Variants in CFAP97D2 observed in about 807,000 individuals in gnomAD.
The protein encoded by CFAP97D2 is CFAP97 domain containing 2, also known as uncharacterized protein CFAP97D2.
rs910402834 is a variant in CFAP97D2, at chr13:114,207,376, A to G, written c.291-4536A>G. 1.7e-4 allele frequency among the ~76,000 whole-genome samples: 26 copies of G among 152,168 alleles called. No individual in the cohort carries two copies. Among genetic ancestry groups the G allele is most frequent in the African/African-American group, 5.8e-4 (24 of 41,422 alleles). On this transcript the variant is annotated intron_variant, in intron 3 of 4. Coordinates refer to ENST00000646158, the Ensembl canonical transcript of CFAP97D2. The surrounding 1 kb of genome is among the most constrained non-coding windows in gnomAD (Gnocchi z 4.9). ...TAGAATGAAGTAATTATACAACTCA[A>G]CATCATGTAGAATCAGTGGGAGCCC... is the stretch of plus-strand genomic sequence containing the variant.
chr13:114,218,405 C>T (rs189818224), intron 4 of CFAP97D2, among the ~76,000 whole-genome samples: 436 of 152,264 alleles, frequency 2.9e-3, no homozygotes, highest in African/African-American at 9.6e-3. Context: ...GAACATTCCA[C>T]GCTCATGGAT....
At chr13:114,197,866 G>A (rs1329331082) in intron 2 of CFAP97D2, among the ~76,000 whole-genome samples, 1 of 147,366 alleles carries the variant, frequency 6.8e-6, no homozygotes, top group Non-Finnish European at 1.5e-5. Flanking sequence ...CGTGTTTTTA[G>A]TAGTGATGGG....
At chr13:114,199,746 CG>C (rs2138768129) in intron 2 of CFAP97D2, 1 of 86,402 alleles carries the variant, frequency 1.2e-5, no homozygotes, top group South Asian at 3.7e-4. Context: ...CGTCCCCGTG[CG>C]TACGGTCCCC....
intron 1 of CFAP97D2, among the ~76,000 whole-genome samples, chr13:114,191,450 AT>A (rs2080869225): frequency 6.6e-6 from 1 of 152,246 alleles, no homozygotes; most frequent in African/African-American, 2.4e-5. Flanking sequence ...CAATTTAAAA[AT>A]TAGGCCAAAG....
exon 2 of CFAP97D2, chr13:114,196,472 T>C (rs2080887966): frequency 2.5e-6 from 1 of 399,388 alleles, no homozygotes; most frequent in Admixed American, 4.4e-5. Flanking sequence ...CTCAAGAGGC[T>C]GAAGGTACAC....
At chr13:114,209,331 C>T (rs1047170610) in intron 3 of CFAP97D2, among the ~76,000 whole-genome samples, 5 of 152,136 alleles carry the variant, frequency 3.3e-5, no homozygotes, top group African/African-American at 1.2e-4. Context: ...CATCAATTTG[C>T]ACAATAACAC....
At position 114,187,211 on chromosome 13, in the gene CFAP97D2, A is replaced by T. The variant is rs976239022; in HGVS notation, c.90+7791A>T. ...CTGATAAACTAAGAAGGGAGAGAAA[A>T]TGGAATCATATAAAATGCTCAATTA... On this transcript the variant is annotated intron_variant, in intron 1 of 4. Coordinates refer to ENST00000646158, the Ensembl canonical transcript of CFAP97D2. This position sits in a 1 kb window ranked among gnomAD's most constrained non-coding sequence, Gnocchi z 4.2. 1.3e-5 allele frequency among the ~76,000 whole-genome samples: 2 copies of T among 152,244 alleles called. No homozygotes were observed. Among genetic ancestry groups the T allele is most frequent in the Non-Finnish European group, 2.9e-5 (2 of 68,046 alleles).
At chr13:114,183,071 C>T (rs181486666) in intron 1 of CFAP97D2, among the ~76,000 whole-genome samples, 1 of 152,280 alleles carries the variant, frequency 6.6e-6, no homozygotes, top group African/African-American at 2.4e-5. Context: ...ACTGGCACTC[C>T]TGAGGAAAGA....
At chr13:114,221,117 T>G (rs975905121) in intron 4 of CFAP97D2, among the ~76,000 whole-genome samples, 1 of 152,142 alleles carries the variant, frequency 6.6e-6, no homozygotes. Context: ...TGTAGTGGCG[T>G]GCGCCTGTAG....
In CFAP97D2 at chr13:114,207,158, C is replaced by T. The variant is rs2080944369; in HGVS notation, c.291-4754C>T. Reference sequence around the variant, plus strand: ...AAGCTCAGCCTGAGCCCCATCTGCTCCCCTGCCGCTGCAAGGGCAGCACCA... The same window carrying T: ...AAGCTCAGCCTGAGCCCCATCTGCTTCCCTGCCGCTGCAAGGGCAGCACCA... On this transcript the variant is annotated intron_variant, in intron 3 of 4. Coordinates refer to ENST00000646158, the Ensembl canonical transcript of CFAP97D2. This position sits in a 1 kb window ranked among gnomAD's most constrained non-coding sequence, Gnocchi z 4.9. Among the ~76,000 whole-genome samples, 1 of 152,208 alleles carries T rather than the reference C, an allele frequency of 6.6e-6. No individual in the cohort carries two copies. Among genetic ancestry groups the T allele is most frequent in the Non-Finnish European group, 1.5e-5 (1 of 68,038 alleles).
intron 1 of CFAP97D2, among the ~76,000 whole-genome samples, chr13:114,191,239 G>A (rs1027941580): frequency 6.6e-5 from 10 of 151,910 alleles, no homozygotes; most frequent in African/African-American, 2.4e-4. Context: ...CAATGCCAAT[G>A]GCATGATCTA....
chr13:114,215,947 G>A (rs2080991600), intron 4 of CFAP97D2: 1 of 152,230 alleles, frequency 6.6e-6, no homozygotes, highest in African/African-American at 2.4e-5. Context: ...GCTTGGCAGA[G>A]GCTTATGTCA....
rs564472310 is a variant in CFAP97D2 at position 114,220,605 on chromosome 13, A to C, written c.481-1893A>C. The stretch of plus-strand genomic sequence containing the variant: ...GATTATCCAACAAAACCCACTGGCC[A>C]TCCTGGCACTTCCTGGAGCCCCCAG... On this transcript the variant is annotated intron_variant, in intron 4 of 4. Coordinates refer to ENST00000646158, the Ensembl canonical transcript of CFAP97D2. Among the ~76,000 whole-genome samples the C allele has an allele frequency of 3.3e-5, 5 of 152,366 alleles. No individual in the cohort carries two copies. The East Asian group carries it at 9.6e-4, about 29-fold the overall frequency.
rs148915665 is a variant in CFAP97D2 at position 114,181,099 on chromosome 13, C to T, written c.90+1679C>T. On this transcript the variant is annotated intron_variant, in intron 1 of 4. Transcript: ENST00000646158. ...CCGAGTAGCAGCAAGGGGCATGGGC[C>T]GGGAACCTATGATTCTGGCACGAAA... 3.1e-3 allele frequency among the ~76,000 whole-genome samples: 474 copies of T among 152,282 alleles called. 1 individual carries two copies. The highest frequency in any genetic ancestry group is 0.02 in the Middle Eastern group (6 of 294).
chr13:114,182,442 G>A (rs1019186932), intron 1 of CFAP97D2, among the ~76,000 whole-genome samples: 17 of 151,840 alleles, frequency 1.1e-4, no homozygotes, highest in African/African-American at 3.4e-4. Context: ...TATCTCAACT[G>A]CAAGAGGCCT....
At chr13:114,199,134 A>C (rs371063429) in intron 2 of CFAP97D2, among the ~76,000 whole-genome samples, 4 of 9,866 alleles carry the variant, frequency 4.1e-4, no homozygotes, top group African/African-American at 1.3e-3. Context: ...TACGGTCCCC[A>C]CTGAGGCGTG....
At chr13:114,218,692 G>A (rs2081006526) in intron 4 of CFAP97D2, among the ~76,000 whole-genome samples, 1 of 152,114 alleles carries the variant, frequency 6.6e-6, no homozygotes, top group Non-Finnish European at 1.5e-5. Context: ...TAGACCAATG[G>A]AACAGAACAG....
chr13:114,202,390 C>T (rs542561078), intron 3 of CFAP97D2, among the ~76,000 whole-genome samples: 2 of 152,312 alleles, frequency 1.3e-5, no homozygotes, highest in Admixed American at 6.5e-5. Context: ...TCAACCCACT[C>T]CCCAGCAAAA....
At chr13:114,217,743 T>C (rs2081001982) in intron 4 of CFAP97D2, among the ~76,000 whole-genome samples, 1 of 152,166 alleles carries the variant, frequency 6.6e-6, no homozygotes, top group Non-Finnish European at 1.5e-5. Context: ...ATAAATGTAA[T>C]CCAGCATATA....
Sources: gnomAD v4.1 joint callset for allele counts (sites outside exome capture counted in the v4.1 genomes callset) on GRCh38, gnomAD v4.1.1 for gene constraint, Gnocchi (gnomAD v3.1) non-coding constraint, MANE v1.5 for transcripts, NCBI Gene and HGNC (gene_info 2026-07-23, HGNC 2026-07-21) for gene names.